WWC2: variants seen among roughly 807,000 people sequenced by gnomAD.
The protein encoded by WWC2 is WW and C2 domain containing 2.
A neutral mutation model predicts 138.5 loss-of-function variants in WWC2; 101 were observed. The observed-to-expected ratio is 0.73, with a 90% confidence interval of 0.62 to 0.86. The LOEUF (loss-of-function observed/expected upper bound fraction) is 0.86, where lower values mean the gene tolerates loss of function less well. WWC2 is among the 40% of genes least tolerant of loss of function. The pLI is 0.00. For missense variants in WWC2, 1,420 were observed against 1,419.4 expected, an observed-to-expected ratio of 1.00 and a Z score of -0.01; for synonymous variants, 558 against 538.4, an observed-to-expected ratio of 1.04 and a Z score of -0.50.
intron 9 of WWC2, among the ~76,000 whole-genome samples, chr4:183,257,063 T>A (rs1737174914): frequency 6.6e-6 from 1 of 152,110 alleles, no homozygotes; most frequent in African/African-American, 2.4e-5. Context: ...GCAGGGAAGG[T>A]GTTTCTATGC....
chr4:183,108,601 G>A (rs1287969815), intron 1 of WWC2, among the ~76,000 whole-genome samples: 2 of 151,950 alleles, frequency 1.3e-5, no homozygotes, highest in Non-Finnish European at 2.9e-5. Context: ...ATAAGGTATG[G>A]ATTGTAGTTA....
intron 1 of WWC2, among the ~76,000 whole-genome samples, chr4:183,182,654 A>T (rs201502697): frequency 6.0e-4 from 2 of 3,336 alleles, no homozygotes; most frequent in South Asian, 0.12. Flanking sequence ...AAATTCTGTT[A>T]TGTCTGTCAC....
chr4:183,185,533 A>G (rs576834190), intron 1 of WWC2, among the ~76,000 whole-genome samples: 2 of 152,324 alleles, frequency 1.3e-5, no homozygotes, highest in South Asian at 4.1e-4. Flanking sequence ...CATACCCATG[A>G]TGTATATTTT....
At chr4:183,138,034 A>G (rs142688007) in intron 1 of WWC2, among the ~76,000 whole-genome samples, 1 of 152,140 alleles carries the variant, frequency 6.6e-6, no homozygotes, top group African/African-American at 2.4e-5. Context: ...AAGGGTTTAT[A>G]TTTACTTTTT....
Position 183,315,880 on chromosome 4 carries a change from A to G in WWC2, c.*151A>G, listed in dbSNP as rs1200665531. ...ACTTTTATTTCACATCAGATTTTCAACACATTAATTTGTAAAGTACCTTGA... is the reference window on the plus strand; with the variant it reads ...ACTTTTATTTCACATCAGATTTTCAGCACATTAATTTGTAAAGTACCTTGA... On this transcript the variant is annotated 3_prime_UTR_variant, in exon 23 of 23. Coordinates refer to ENST00000403733, the MANE Select transcript of WWC2 (RefSeq NM_024949.6). 1.7e-6 allele frequency: 1 copy of G among 583,310 alleles called. No homozygotes were observed. Among genetic ancestry groups the G allele is most frequent in the Non-Finnish European group, 3.0e-6 (1 of 335,246 alleles). 36.1% of individuals were successfully genotyped at this position (583,310 alleles called of 1,614,324 possible). A position where few individuals can be genotyped will look rare whatever the true frequency, so the allele number is the denominator to read the frequency against.
intron 4 of WWC2, among the ~76,000 whole-genome samples, chr4:183,218,976 T>C (rs1244107533): frequency 1.3e-5 from 2 of 152,208 alleles, no homozygotes; most frequent in South Asian, 2.1e-4. Flanking sequence ...CAACAAAATA[T>C]GGCATATACA....
intron 4 of WWC2, 33 bp downstream of exon 4, chr4:183,209,058 C>G: frequency 7.0e-7 from 1 of 1,430,446 alleles, no homozygotes; most frequent in Non-Finnish European, 9.7e-7. Context: ...TCTATGTTGA[C>G]CCATATGCAT....
chr4:183,151,600 A>T (rs1419218787), intron 1 of WWC2, among the ~76,000 whole-genome samples: 1 of 152,194 alleles, frequency 6.6e-6, no homozygotes, highest in Non-Finnish European at 1.5e-5. Flanking sequence ...TGTTTTAGAC[A>T]TGAAGTCCTT....
chr4:183,211,588 A>G (rs768174839), intron 4 of WWC2, among the ~76,000 whole-genome samples: 1 of 152,090 alleles, frequency 6.6e-6, no homozygotes, highest in Non-Finnish European at 1.5e-5. Flanking sequence ...AAGCTCTTCA[A>G]AATCCCAGTT....
chr4:183,152,109 C>G (rs1387355792), intron 1 of WWC2, among the ~76,000 whole-genome samples: 2 of 152,060 alleles, frequency 1.3e-5, no homozygotes, highest in African/African-American at 4.8e-5. Context: ...CTTACAAATC[C>G]ACAGAGACAA....
Position 183,225,704 on chromosome 4 carries a change from G to A in WWC2, c.523-14479G>A, listed in dbSNP as rs370730609. 5.7e-4 allele frequency among the ~76,000 whole-genome samples: 87 copies of A among 152,320 alleles called. 1 individual carries two copies. The East Asian group carries it at 5.8e-3, about 10-fold the overall frequency. ...AGCAGTTATTTATTTAGTGCTTCAT[G>A]TATGCCAGACACTGTTTTACACAAG... On this transcript the variant is annotated intron_variant, in intron 4 of 22. Coordinates refer to ENST00000403733, the MANE Select transcript of WWC2 (RefSeq NM_024949.6).
chr4:183,141,050 G>A (rs1444008817), intron 1 of WWC2, among the ~76,000 whole-genome samples: 2 of 152,198 alleles, frequency 1.3e-5, no homozygotes, highest in Non-Finnish European at 2.9e-5. Context: ...AGGAAGTACC[G>A]AACAGCCAGA....
chr4:183,268,225 T>A (rs149208661), intron 14 of WWC2, among the ~76,000 whole-genome samples: 3 of 152,220 alleles, frequency 2.0e-5, no homozygotes, highest in African/African-American at 7.2e-5. Context: ...CTTAGCGGTA[T>A]TCTCTTCCTG....
At chr4:183,223,901 T>C (rs1029121552) in intron 4 of WWC2, among the ~76,000 whole-genome samples, 1 of 152,106 alleles carries the variant, frequency 6.6e-6, no homozygotes, top group Non-Finnish European at 1.5e-5. Flanking sequence ...CAGCTAATTT[T>C]TGTGTTTTTA....
At chr4:183,315,607 C>A in intron 22 of WWC2, 56 bp from the exon 23 acceptor site, 1 of 1,439,402 alleles carries the variant, frequency 6.9e-7, no homozygotes, top group Non-Finnish European at 9.7e-7. Flanking sequence ...TTTTAATGGT[C>A]CCAGAGTATT....
At chr4:183,171,025 CTTACAGTGACATCCATTA>C (rs1435144220) in intron 1 of WWC2, among the ~76,000 whole-genome samples, 1 of 152,182 alleles carries the variant, frequency 6.6e-6, no homozygotes, top group Non-Finnish European at 1.5e-5. Context: ...CTGATGAGAG[CTTACAGTGACATCCATTA>C]TTTCAGATGC....
intron 4 of WWC2, among the ~76,000 whole-genome samples, chr4:183,237,604 CCT>C (rs777757507): frequency 4.6e-5 from 7 of 152,128 alleles, no homozygotes; most frequent in Non-Finnish European, 8.8e-5. Flanking sequence ...ACTCTTTATA[CCT>C]CTCTTTGTAT....
rs1736702970 is a variant in WWC2, at chr4:183,244,172, G to T, written c.603-1244G>T. Among the ~76,000 whole-genome samples, 4 of 152,212 alleles carry T rather than the reference G, an allele frequency of 2.6e-5. No homozygotes were observed. The South Asian group carries it at 8.3e-4, about 32-fold the overall frequency. On this transcript the variant is annotated intron_variant, in intron 5 of 22. Coordinates refer to ENST00000403733, the MANE Select transcript of WWC2 (RefSeq NM_024949.6). ...TCTAAGAACGTGTATAGAGTTGTTG[G>T]GTGGGGCAGAGGCATAGCCATATGT...
chr4:183,315,924 T>TA lies in WWC2; in HGVS notation c.*201dup. ...ACCTTGAGTGTAATTTTTATATGCTTAAAAAAGAAAAAATCATATAAGAAA... is the reference window on the plus strand; with the variant it reads ...ACCTTGAGTGTAATTTTTATATGCTTAAAAAAAGAAAAAATCATATAAGAAA... On this transcript the variant is annotated 3_prime_UTR_variant, in exon 23 of 23. Coordinates refer to ENST00000403733, the MANE Select transcript of WWC2 (RefSeq NM_024949.6). 1 of 500,472 alleles carries TA rather than the reference T, an allele frequency of 2.0e-6. No homozygotes were observed. The allele number at this position is 500,472 out of a possible 1,614,324, so 31.0% of individuals were successfully genotyped here.
Sources: gnomAD v4.1 joint callset for allele counts (sites outside exome capture counted in the v4.1 genomes callset) on GRCh38, gnomAD v4.1.1 for gene constraint, MANE v1.5 for transcripts, NCBI Gene and HGNC (gene_info 2026-07-23, HGNC 2026-07-21) for gene names.